Variants in INTS8 observed in about 807,000 individuals in gnomAD.
The protein encoded by INTS8 is protein kaonashi-1.
Under a neutral mutation model 138.9 loss-of-function variants are expected in INTS8, and 47 were observed. That is an observed-to-expected ratio of 0.34 (90% confidence interval 0.27 to 0.43). The LOEUF is 0.43. INTS8 is among the 20% of genes least tolerant of loss of function. The pLI is 1.00. For missense variants in INTS8, 996 were observed against 1,173.0 expected (o/e 0.85, Z 2.20); for synonymous variants, 392 against 400.9 (o/e 0.98, Z 0.27).
rs1816000167 is a variant in INTS8 at position 94,861,858 on chromosome 8, T to TGAATCA, written c.2076+2226_2076+2227insGAATCA. Among the ~76,000 whole-genome samples, 4 of 151,952 alleles carry TGAATCA rather than the reference T, an allele frequency of 2.6e-5. No individual in the cohort carries two copies. In the South Asian group the frequency reaches 8.3e-4, roughly 32 times the overall value. On this transcript the variant is annotated intron_variant, in intron 16 of 26. Coordinates refer to ENST00000523731, the MANE Select transcript of INTS8 (RefSeq NM_017864.4). ...GAGCCACCGCGCCCGGCCCGGCCCT[T>TGAATCA]TTTGTTATCTTTACACTTGCTCGTG...
Position 94,871,967 on chromosome 8 carries a change from A to AAGAATGG in INTS8, c.2498_2499insAGAATGG (p.His833GlnfsTer35). The stretch of plus-strand genomic sequence containing the variant: ...ACACTCAGTATAAATCCAAATAACC[A>AAGAATGG]TTCTTGGTTAATTATCCAGGCAGAT... On this transcript the variant is annotated frameshift_variant, in exon 21 of 27. Coordinates refer to ENST00000523731, the MANE Select transcript of INTS8 (RefSeq NM_017864.4). LOFTEE classifies it high-confidence loss of function. 1 of 1,593,568 alleles carries AAGAATGG rather than the reference A, an allele frequency of 6.3e-7. No individual in the cohort carries two copies. The highest frequency in any genetic ancestry group is 8.6e-7 in the Non-Finnish European group (1 of 1,163,148).
intron 15 of INTS8, 48 bp downstream of exon 15, chr8:94,857,026 A>G (rs1207683946): frequency 7.4e-7 from 1 of 1,350,856 alleles, no homozygotes; most frequent in Non-Finnish European, 1.0e-6. Context: ...GTACTCACAT[A>G]ATTGTGGGGG....
intron 6 of INTS8, 32 bp from the exon 7 acceptor site, chr8:94,836,492 G>T: frequency 6.5e-7 from 1 of 1,543,622 alleles, no homozygotes; most frequent in Non-Finnish European, 8.9e-7. Context: ...CTGAGAAATT[G>T]TTAAGCAAAT....
chr8:94,833,468 C>A (rs1156647155), intron 6 of INTS8, among the ~76,000 whole-genome samples: 1 of 152,054 alleles, frequency 6.6e-6, no homozygotes, highest in African/African-American at 2.4e-5. Context: ...ATCCTCCCAC[C>A]TTGGCCTCCC....
In INTS8 at chr8:94,881,158, G is replaced by A; in HGVS notation, c.*924G>A. On this transcript the variant is annotated 3_prime_UTR_variant, in exon 27 of 27. Coordinates refer to ENST00000523731, the MANE Select transcript of INTS8 (RefSeq NM_017864.4). ...TACAAAACTAAACCTTTGTAAACAA[G>A]TTTAAATTTAATTTTCAAGAACCAA... 2.6e-6 allele frequency: 1 copy of A among 391,738 alleles called. No homozygotes were observed. 24.3% of individuals were successfully genotyped at this position (391,738 alleles called of 1,614,324 possible).
chr8:94,857,957 T>C (rs1188998113), intron 15 of INTS8, among the ~76,000 whole-genome samples: 1 of 152,244 alleles, frequency 6.6e-6, no homozygotes, highest in African/African-American at 2.4e-5. Flanking sequence ...GAAGTTTTAT[T>C]TCCTTGTTAC....
chr8:94,878,287 C>G (rs1363473671), intron 26 of INTS8, among the ~76,000 whole-genome samples: 1 of 152,170 alleles, frequency 6.6e-6, no homozygotes, highest in Non-Finnish European at 1.5e-5. Context: ...TTAGACTTTC[C>G]TGTTTAAGCC....
At chr8:94,836,447 TAAAG>T in intron 6 of INTS8, 73 bp from the exon 7 acceptor site, 1 of 1,076,342 alleles carries the variant, frequency 9.3e-7, no homozygotes, top group Non-Finnish European at 1.4e-6. Context: ...TTTCGTGAGA[TAAAG>T]ACAGTTTTGG....
At chr8:94,841,113 A>C (rs1011373188) in intron 8 of INTS8, among the ~76,000 whole-genome samples, 1 of 150,898 alleles carries the variant, frequency 6.6e-6, no homozygotes, top group African/African-American at 2.4e-5. Context: ...GGATTTCACC[A>C]TGTTGGCCAG....
intron 2 of INTS8, among the ~76,000 whole-genome samples, 156 bp downstream of exon 2, chr8:94,825,223 G>A (rs1018377988): frequency 4.6e-5 from 7 of 152,150 alleles, no homozygotes; most frequent in South Asian, 4.1e-4. Flanking sequence ...GCCAAGGCTG[G>A]CAGATTACTT....
intron 6 of INTS8, among the ~76,000 whole-genome samples, chr8:94,834,870 A>T (rs1814866563): frequency 6.6e-6 from 1 of 152,214 alleles, no homozygotes; most frequent in East Asian, 1.9e-4. Flanking sequence ...AGGCATGATT[A>T]TAGCTTAGGA....
intron 26 of INTS8, among the ~76,000 whole-genome samples, chr8:94,878,812 C>A (rs1327710635): frequency 1.3e-5 from 2 of 152,198 alleles, no homozygotes; most frequent in African/African-American, 4.8e-5. Flanking sequence ...CAGTCCTTTT[C>A]CTGATTACAT....
chr8:94,860,180 A>G (rs1815901045), intron 16 of INTS8: 1 of 152,374 alleles, frequency 6.6e-6, no homozygotes, highest in South Asian at 2.1e-4. Flanking sequence ...ATCAAAACTA[A>G]TAAGAAACTG....
At chr8:94,837,669 C>T (rs1281544050) in intron 7 of INTS8, among the ~76,000 whole-genome samples, 2 of 151,940 alleles carry the variant, frequency 1.3e-5, no homozygotes, top group Admixed American at 6.6e-5. Context: ...TCTTTTAAAA[C>T]CTTTAAGCTT....
intron 16 of INTS8, chr8:94,859,897 A>G: frequency 2.9e-6 from 1 of 342,900 alleles, no homozygotes; most frequent in Non-Finnish European, 5.5e-6. Context: ...ATCCTAAGTA[A>G]TGAGAGATTC....
chr8:94,859,486 A>C, intron 15 of INTS8, 25 bp from the exon 16 acceptor site: 1 of 1,606,724 alleles, frequency 6.2e-7, no homozygotes. Flanking sequence ...TGGTAATTCC[A>C]ACTGTTTTCT....
intron 6 of INTS8, among the ~76,000 whole-genome samples, chr8:94,832,737 C>G (rs149528670): frequency 6.6e-6 from 1 of 151,992 alleles, no homozygotes; most frequent in Non-Finnish European, 1.5e-5. Context: ...TCACTGCAAA[C>G]TCCGCCTCCC....
chr8:94,839,800 G>GCCAAGGCACT (rs2131012158), intron 8 of INTS8, among the ~76,000 whole-genome samples: 1 of 152,328 alleles, frequency 6.6e-6, no homozygotes, highest in East Asian at 1.9e-4. Context: ...GGAGGCCAAG[G>GCCAAGGCACT]TGGGAGGATC....
intron 18 of INTS8, 167 bp from the exon 19 acceptor site, chr8:94,866,973 C>G (rs112101177): frequency 1.8e-6 from 1 of 563,840 alleles, no homozygotes; most frequent in East Asian, 3.0e-5. Flanking sequence ...CCCCCACATG[C>G]GATTAAAAAG....
Sources: gnomAD v4.1 joint callset for allele counts (sites outside exome capture counted in the v4.1 genomes callset) on GRCh38, gnomAD v4.1.1 for gene constraint, MANE v1.5 for transcripts, NCBI Gene and HGNC (gene_info 2026-07-23, HGNC 2026-07-21) for gene names.